Variants in PLCB1 observed in about 807,000 individuals in gnomAD.
PLCB1 encodes 1-phosphatidylinositol 4,5-bisphosphate phosphodiesterase beta-1.
Under a neutral mutation model 161.8 loss-of-function variants are expected in PLCB1, and 46 were observed. That is an observed-to-expected ratio of 0.28 (90% CI 0.22 to 0.36). The LOEUF (loss-of-function observed/expected upper bound fraction) is 0.36, where lower values mean the gene tolerates loss of function less well. PLCB1 is among the 10% of genes least tolerant of loss of function. PLCB1 has a pLI of 1.00. For missense variants in PLCB1, 1,016 were observed against 1,472.5 expected, an observed-to-expected ratio of 0.69 and a Z score of 5.07; for synonymous variants, 517 against 503.7, an observed-to-expected ratio of 1.03 and a Z score of -0.35.
chr20:8,675,936 A>C (rs1307713509), intron 9 of PLCB1, among the ~76,000 whole-genome samples: 1 of 152,236 alleles, frequency 6.6e-6, no homozygotes, highest in Non-Finnish European at 1.5e-5. Flanking sequence ...GTGGGATTCA[A>C]GATAAGGCAT....
chr20:8,622,861 T>C (rs565595142), intron 3 of PLCB1, among the ~76,000 whole-genome samples: 80 of 152,244 alleles, frequency 5.3e-4, no homozygotes, highest in Admixed American at 5.9e-4. Context: ...GCAAAAGTAA[T>C]TGGGGTTTTG....
chr20:8,727,705 T>G (rs148825386), intron 17 of PLCB1, among the ~76,000 whole-genome samples: 1 of 152,112 alleles, frequency 6.6e-6, no homozygotes, highest in Non-Finnish European at 1.5e-5. Context: ...TATACTAGCT[T>G]TATGGTTTGC....
intron 2 of PLCB1, among the ~76,000 whole-genome samples, chr20:8,151,729 A>T (rs562243870): frequency 6.6e-6 from 1 of 152,282 alleles, no homozygotes; most frequent in Non-Finnish European, 1.5e-5. Context: ...AACTATATTC[A>T]TGAACGATGT....
At chr20:8,619,559 C>T (rs562549038) in intron 3 of PLCB1, among the ~76,000 whole-genome samples, 42 of 152,134 alleles carry the variant, frequency 2.8e-4, no homozygotes, top group Admixed American at 7.2e-4. Flanking sequence ...ACATGTGATA[C>T]ATTAGAGTTT....
At chr20:8,868,090 T>G (rs1466023110) in intron 31 of PLCB1, among the ~76,000 whole-genome samples, 1 of 152,226 alleles carries the variant, frequency 6.6e-6, no homozygotes, top group Admixed American at 6.5e-5. Context: ...CTTATTCCAG[T>G]TTTCCATTTG....
intron 2 of PLCB1, among the ~76,000 whole-genome samples, chr20:8,323,551 A>T (rs184300804): frequency 5.0e-4 from 76 of 152,194 alleles, no homozygotes; most frequent in African/African-American, 1.7e-3. Context: ...CTCCAGCAGG[A>T]TGGATTCAGG....
intron 23 of PLCB1, chr20:8,751,448 A>G (rs893398593): frequency 2.6e-5 from 4 of 152,224 alleles, no homozygotes; most frequent in Admixed American, 1.3e-4. Context: ...CCAGCACATC[A>G]AATGGCTTTT....
At chr20:8,433,514 A>G (rs1221821551) in intron 3 of PLCB1, among the ~76,000 whole-genome samples, 1 of 145,414 alleles carries the variant, frequency 6.9e-6, no homozygotes, top group Non-Finnish European at 1.5e-5. Flanking sequence ...TGCTTATGTC[A>G]CACTCTATCT....
At chr20:8,875,581 T>C (rs1987752458) in intron 31 of PLCB1, among the ~76,000 whole-genome samples, 1 of 150,014 alleles carries the variant, frequency 6.7e-6, no homozygotes, top group African/African-American at 2.4e-5. Context: ...TATTAAGATC[T>C]TTCATACACT....
chr20:8,725,542 T>C (rs962341295), intron 16 of PLCB1, among the ~76,000 whole-genome samples: 1 of 152,158 alleles, frequency 6.6e-6, no homozygotes. Context: ...TATATTTGTA[T>C]AATCTTACAA....
chr20:8,727,321 G>A lies in PLCB1; in HGVS notation c.1691G>A (p.Ser564Asn), dbSNP rs769521877. The change falls in exon 17 of 32, where the codon AGT (serine) becomes AAT (asparagine). Residue 564 changes from serine (S) to asparagine (N), a missense_variant. By Grantham distance (46) the Ser-to-Asn change is conservative (BLOSUM62 1). Around this residue, in one of 10 missense-constraint regions of PLCB1, gnomAD observed 109 missense variants for 129.7 expected, o/e 0.84. Coordinates refer to ENST00000338037, the MANE Select transcript of PLCB1 (RefSeq NM_015192.4). ...SFEISKKRNK[S>N]FEMSSFVETK... Reference sequence around the variant, plus strand: ...TTGCTTAACTCAGAAAGAAATAAAAGTTTTGAAATGTCTTCCTTCGTGGAA... The same window carrying A: ...TTGCTTAACTCAGAAAGAAATAAAAATTTTGAAATGTCTTCCTTCGTGGAA... 1.9e-6 allele frequency: 3 copies of A among 1,594,284 alleles called. No homozygotes were observed. Among genetic ancestry groups the A allele is most frequent in the Non-Finnish European group, 2.6e-6 (3 of 1,164,602 alleles).
intron 31 of PLCB1, among the ~76,000 whole-genome samples, chr20:8,813,543 A>G (rs1163209040): frequency 1.3e-5 from 2 of 152,174 alleles, no homozygotes; most frequent in Non-Finnish European, 2.9e-5. Context: ...GTAAAAATGA[A>G]TGAGGGCCAG....
At chr20:8,169,164 G>A (rs1287429682) in intron 2 of PLCB1, among the ~76,000 whole-genome samples, 3 of 152,056 alleles carry the variant, frequency 2.0e-5, no homozygotes, top group African/African-American at 4.8e-5. Flanking sequence ...TATTGGGTGG[G>A]GAGCCACTGA....
chr20:8,632,035 C>CTTTTTTTTTTTTTTTTT lies in PLCB1; in HGVS notation c.384+3620_384+3636dup, dbSNP rs34028351. 4.3e-5 allele frequency among the ~76,000 whole-genome samples: 2 copies of CTTTTTTTTTTTTTTTTT among 45,994 alleles called. 1 individual carries two copies. Among genetic ancestry groups the CTTTTTTTTTTTTTTTTT allele is most frequent in the Non-Finnish European group, 7.4e-5 (2 of 27,026 alleles). The allele number at this position is 45,994 out of a possible 152,430, so 30.2% of individuals were successfully genotyped here. ...AGGAGACAAATATGGGTTTTTTTTGCTTTTTTTTTTTTTTTTTTTTTTTTT... is the reference window on the plus strand; with the variant it reads ...AGGAGACAAATATGGGTTTTTTTTGCTTTTTTTTTTTTTTTTTTTTTTTTTTTTTTTTTTTTTTTTTT... On this transcript the variant is annotated intron_variant, in intron 4 of 31. Coordinates refer to ENST00000338037, the MANE Select transcript of PLCB1 (RefSeq NM_015192.4).
At chr20:8,824,644 C>T (rs762945520) in intron 31 of PLCB1, among the ~76,000 whole-genome samples, 52 of 152,104 alleles carry the variant, frequency 3.4e-4, no homozygotes, top group Non-Finnish European at 5.7e-4. Context: ...AATTGGATTT[C>T]AGCTTGGATT....
At chr20:8,297,983 A>G (rs1204410545) in intron 2 of PLCB1, among the ~76,000 whole-genome samples, 2 of 151,554 alleles carry the variant, frequency 1.3e-5, no homozygotes, top group African/African-American at 4.9e-5. Context: ...TCCCCATCAA[A>G]TGCCCATTAT....
At chr20:8,191,815 T>C (rs2051973674) in intron 2 of PLCB1, among the ~76,000 whole-genome samples, 1 of 152,062 alleles carries the variant, frequency 6.6e-6, no homozygotes, top group Non-Finnish European at 1.5e-5. Flanking sequence ...CTCATTTGCC[T>C]ATTTTAGTCA....
chr20:8,252,719 T>C (rs1196032626), intron 2 of PLCB1, among the ~76,000 whole-genome samples: 1 of 152,010 alleles, frequency 6.6e-6, no homozygotes, highest in African/African-American at 2.4e-5. Flanking sequence ...TCACCCCTGC[T>C]GTATATAGAG....
At chr20:8,809,162 G>A (rs1319825126) in intron 31 of PLCB1, among the ~76,000 whole-genome samples, 1 of 151,920 alleles carries the variant, frequency 6.6e-6, no homozygotes, top group African/African-American at 2.4e-5. Context: ...ACCACACTTG[G>A]CTGATTTTTT....
Sources: allele counts gnomAD v4.1 joint callset (sites outside exome capture counted in the v4.1 genomes callset), GRCh38; gene constraint gnomAD v4.1.1; regional missense constraint gnomAD v4.1.1; transcripts MANE v1.5; gene names NCBI Gene and HGNC (gene_info 2026-07-23, HGNC 2026-07-21).